The following SLC16A12 variants were observed in gnomAD, a reference collection of about 807,000 sequenced individuals.
The protein encoded by SLC16A12 is solute carrier family 16 member 12.
Under a neutral mutation model 42.4 loss-of-function variants are expected in SLC16A12, and 17 were observed. The ratio of observed to expected loss-of-function variants is 0.40; its 90% CI spans 0.27 to 0.60. SLC16A12 has a LOEUF of 0.60. Among genes scored for constraint, SLC16A12 ranks in the 20% least tolerant of loss-of-function variants. The pLI is 0.42. For missense variants in SLC16A12, 544 were observed against 623.0 expected (o/e 0.87, Z 1.35); for synonymous variants, 224 against 229.4 (o/e 0.98, Z 0.21).
intron 2 of SLC16A12, among the ~76,000 whole-genome samples, chr10:89,487,988 A>G (rs1239683860): frequency 7.2e-6 from 1 of 139,016 alleles, no homozygotes; most frequent in African/African-American, 2.6e-5. Context: ...ATATATATAT[A>G]TATATATACA....
At chr10:89,442,603 A>T (rs1180798624) in intron 4 of SLC16A12, among the ~76,000 whole-genome samples, 2 of 152,202 alleles carry the variant, frequency 1.3e-5, no homozygotes, top group African/African-American at 4.8e-5. Context: ...GTTTCAAAAA[A>T]AAGACAAGCT....
At chr10:89,481,919 C>T (rs1842670166) in intron 2 of SLC16A12, among the ~76,000 whole-genome samples, 1 of 151,942 alleles carries the variant, frequency 6.6e-6, no homozygotes, top group Non-Finnish European at 1.5e-5. Flanking sequence ...CTTTCATAAA[C>T]TTCTTGAGAG....
intron 3 of SLC16A12, among the ~76,000 whole-genome samples, chr10:89,459,378 C>CATGTTTGTGTGTGTAAGTGT (rs1842254054): frequency 6.6e-6 from 1 of 151,060 alleles, no homozygotes. Flanking sequence ...GCAGAGTTTG[C>CATGTTTGTGTGTGTAAGTGT]ATGTTTGTGT....
intron 3 of SLC16A12, among the ~76,000 whole-genome samples, chr10:89,456,894 T>C (rs1370477673): frequency 1.3e-5 from 2 of 152,214 alleles, no homozygotes; most frequent in Non-Finnish European, 2.9e-5. Context: ...TTCCTTTTTA[T>C]GGCTGCATAG....
chr10:89,507,026 A>G (rs891373004), intron 2 of SLC16A12, among the ~76,000 whole-genome samples: 10 of 152,070 alleles, frequency 6.6e-5, no homozygotes, highest in African/African-American at 2.2e-4. Flanking sequence ...AAGATTAGAG[A>G]AAAAAGAGTG....
At chr10:89,492,973 G>C (rs1234745971) in intron 2 of SLC16A12, among the ~76,000 whole-genome samples, 2 of 152,078 alleles carry the variant, frequency 1.3e-5, no homozygotes, top group South Asian at 4.2e-4. Flanking sequence ...AGACCCATAA[G>C]AGTCACCAAA....
intron 2 of SLC16A12, among the ~76,000 whole-genome samples, chr10:89,466,195 T>A (rs1842394797): frequency 6.6e-6 from 1 of 152,228 alleles, no homozygotes; most frequent in East Asian, 1.9e-4. Flanking sequence ...AGATAAAACA[T>A]GAGGAATATC....
At chr10:89,464,163 A>C (rs1222453242) in intron 2 of SLC16A12, among the ~76,000 whole-genome samples, 1 of 152,226 alleles carries the variant, frequency 6.6e-6, no homozygotes, top group Non-Finnish European at 1.5e-5. Context: ...ACAGACAGCA[A>C]GAAACATGAA....
At chr10:89,498,845 C>A (rs1267906335) in intron 2 of SLC16A12, among the ~76,000 whole-genome samples, 1 of 152,168 alleles carries the variant, frequency 6.6e-6, no homozygotes, top group East Asian at 1.9e-4. Context: ...CGGAGCCTGG[C>A]AGACTTGCTG....
chr10:89,541,172 C>T (rs959619591), intron 2 of SLC16A12, among the ~76,000 whole-genome samples: 21 of 151,822 alleles, frequency 1.4e-4, no homozygotes, highest in Admixed American at 7.2e-4. Flanking sequence ...GTGATCCGCC[C>T]GCCTCGGCCT....
chr10:89,465,034 A>T (rs1359232645), intron 2 of SLC16A12, among the ~76,000 whole-genome samples: 2 of 152,228 alleles, frequency 1.3e-5, no homozygotes, highest in Admixed American at 6.5e-5. Context: ...CACTGGCCTG[A>T]GGATTGACTA....
chr10:89,515,517 C>G (rs981092709), intron 2 of SLC16A12, among the ~76,000 whole-genome samples: 1 of 152,178 alleles, frequency 6.6e-6, no homozygotes, highest in Non-Finnish European at 1.5e-5. Flanking sequence ...TTTACAGGCA[C>G]AGTAGAAGTT....
At chr10:89,470,476 A>T (rs941232705) in intron 2 of SLC16A12, among the ~76,000 whole-genome samples, 1 of 152,234 alleles carries the variant, frequency 6.6e-6, no homozygotes, top group Non-Finnish European at 1.5e-5. Context: ...AGAGAGAAAC[A>T]GAGTGCCCAC....
At chr10:89,523,893 A>G (rs1292482006) in intron 2 of SLC16A12, among the ~76,000 whole-genome samples, 2 of 152,214 alleles carry the variant, frequency 1.3e-5, no homozygotes, top group African/African-American at 4.8e-5. Context: ...ATTAGAGAAT[A>G]AAACAAAAGG....
chr10:89,520,343 G>A (rs1843332015), intron 2 of SLC16A12, among the ~76,000 whole-genome samples: 1 of 152,078 alleles, frequency 6.6e-6, no homozygotes, highest in African/African-American at 2.4e-5. Context: ...AAGGCAATTT[G>A]CAACATCAAA....
At chr10:89,457,568 G>T (rs138053746) in intron 3 of SLC16A12, among the ~76,000 whole-genome samples, 68 of 152,268 alleles carry the variant, frequency 4.5e-4, no homozygotes, top group African/African-American at 1.2e-3. Context: ...AAGACAGTGC[G>T]GTGATTCCTC....
rs780331150 is a variant in SLC16A12, at chr10:89,438,798, T to TA, written c.833dup (p.Leu278PhefsTer52). ...CTAACACAACAAAGTCTGACATGAG[T>TA]AAAAAACTGTACTCTTGCTGCAAAC... On this transcript the variant is annotated frameshift_variant, in exon 6 of 8. Transcript: ENST00000371790. LOFTEE classifies it high-confidence loss of function. 5 of 1,613,688 alleles carry TA rather than the reference T, an allele frequency of 3.1e-6. No homozygotes were observed. The highest frequency in any genetic ancestry group is 2.5e-6 in the Non-Finnish European group (3 of 1,179,980).
intron 6 of SLC16A12, 94 bp from the exon 7 acceptor site, chr10:89,436,413 A>G: frequency 1.4e-6 from 2 of 1,444,664 alleles, no homozygotes; most frequent in South Asian, 1.2e-5. Flanking sequence ...CATTGCAGTT[A>G]TTTACAGAGA....
At chr10:89,554,048 GAAA>G in intron 2 of SLC16A12, among the ~76,000 whole-genome samples, 1 of 56,770 alleles carries the variant, frequency 1.8e-5, no homozygotes, top group African/African-American at 7.6e-5. Flanking sequence ...AAGAAAGAAA[GAAA>G]GAAAGAAAGA....
Sources: gnomAD v4.1 joint callset for allele counts (sites outside exome capture counted in the v4.1 genomes callset) on GRCh38, gnomAD v4.1.1 for gene constraint, MANE v1.5 for transcripts, NCBI Gene and HGNC (gene_info 2026-07-23, HGNC 2026-07-21) for gene names.